Variants in KCTD1 observed in about 807,000 individuals in gnomAD.
KCTD1 encodes the protein potassium channel tetramerization domain containing 1.
In KCTD1, 24 loss-of-function variants were observed where a neutral mutation model predicts 66.0. The observed-to-expected ratio is 0.36, with a 90% CI of 0.26 to 0.51. The LOEUF (loss-of-function observed/expected upper bound fraction) is 0.51. Ranked by LOEUF, KCTD1 falls within the 20% of genes least tolerant of loss-of-function variation. KCTD1 has a pLI of 0.95. For synonymous variants in KCTD1, 511 were observed against 517.2 expected, an observed-to-expected ratio of 0.99 and a Z score of 0.16; for missense variants, 943 against 1,205.2, an observed-to-expected ratio of 0.78 and a Z score of 3.22.
At chr18:26,545,813 C>T (rs2144830967) in intron 1 of KCTD1, 1 of 152,092 alleles carries the variant, frequency 6.6e-6, no homozygotes, top group East Asian at 1.9e-4. Flanking sequence ...ACTAGAGGCC[C>T]CAGTCTCGAC....
At chr18:26,489,663 A>T (rs1346174484) in intron 2 of KCTD1, among the ~76,000 whole-genome samples, 1 of 152,212 alleles carries the variant, frequency 6.6e-6, no homozygotes, top group Non-Finnish European at 1.5e-5. Context: ...TTGGCCTGAT[A>T]AAAAACATTT....
At chr18:26,493,642 A>C (rs1982321799) in intron 2 of KCTD1, among the ~76,000 whole-genome samples, 1 of 152,212 alleles carries the variant, frequency 6.6e-6, no homozygotes, top group Non-Finnish European at 1.5e-5. Flanking sequence ...AGTGCACAAT[A>C]ACCACATCAT....
At chr18:26,456,893 C>A (rs1394884649) in intron 4 of KCTD1, 10 of 150,198 alleles carry the variant, frequency 6.7e-5, no homozygotes, top group African/African-American at 2.0e-4. Flanking sequence ...ACTTCCACAC[C>A]ACCTTAAAGG....
chr18:26,647,335 C>CA (rs909816665), intron 1 of KCTD1, among the ~76,000 whole-genome samples: 30 of 114,618 alleles, frequency 2.6e-4, no homozygotes, highest in African/African-American at 7.8e-4. Flanking sequence ...AGTGAAACCC[C>CA]CCCCCCATCT....
intron 1 of KCTD1, among the ~76,000 whole-genome samples, chr18:26,636,674 C>T (rs185972660): frequency 2.6e-5 from 4 of 152,238 alleles, no homozygotes; most frequent in African/African-American, 7.2e-5. Context: ...GCCCTCAGGA[C>T]TTCACACTCA....
At chr18:26,553,826 G>GT (rs1985634244) in intron 1 of KCTD1, among the ~76,000 whole-genome samples, 1 of 49,402 alleles carries the variant, frequency 2.0e-5, no homozygotes, top group Non-Finnish European at 5.2e-5. Context: ...GCCAGAGAGG[G>GT]TAAAAAAAAA....
intron 2 of KCTD1, among the ~76,000 whole-genome samples, chr18:26,500,105 G>A (rs1203604892): frequency 4.6e-5 from 7 of 151,732 alleles, no homozygotes; most frequent in Admixed American, 2.0e-4. Flanking sequence ...AACATAGCGC[G>A]ACCCCATCTC....
intron 1 of KCTD1, among the ~76,000 whole-genome samples, chr18:26,653,206 G>A (rs894252237): frequency 6.6e-6 from 1 of 152,188 alleles, no homozygotes; most frequent in African/African-American, 2.4e-5. Flanking sequence ...ACTCTTGGGT[G>A]AAGACCAGGT....
intron 1 of KCTD1, among the ~76,000 whole-genome samples, chr18:26,624,190 C>T (rs1987449351): frequency 1.3e-5 from 2 of 152,226 alleles, no homozygotes; most frequent in East Asian, 3.9e-4. Flanking sequence ...AATTTGCAGC[C>T]TAATGATGCA....
At chr18:26,549,081 C>T, upstream of KCTD1, 3 of 985,048 alleles carry the variant, frequency 3.0e-6, no homozygotes, top group Non-Finnish European at 3.6e-6. Context: ...GCGGGAAACC[C>T]GTGTCTGGGG....
chr18:26,638,187 T>C (rs1253705930), intron 1 of KCTD1, among the ~76,000 whole-genome samples: 2 of 152,244 alleles, frequency 1.3e-5, no homozygotes, highest in African/African-American at 4.8e-5. Context: ...AGAGCATCTT[T>C]CATTTATCCA....
At chr18:26,631,562 C>T (rs1256695672), upstream of KCTD1, among the ~76,000 whole-genome samples, 1 of 152,162 alleles carries the variant, frequency 6.6e-6, no homozygotes, top group African/African-American at 2.4e-5. Flanking sequence ...TTATACAATG[C>T]ATGACTGACG....
chr18:26,500,252 CA>C (rs1240386039), intron 2 of KCTD1, among the ~76,000 whole-genome samples: 1 of 146,582 alleles, frequency 6.8e-6, no homozygotes, highest in Non-Finnish European at 1.5e-5. Context: ...CCTGTCTCTA[CA>C]AAAAATTTAA....
chr18:26,548,931 G>C (rs1290247542), upstream of KCTD1: 13 of 987,804 alleles, frequency 1.3e-5, no homozygotes, highest in African/African-American at 2.3e-4. Flanking sequence ...GGGAGAGAGG[G>C]AGGGCCGGCG....
intron 1 of KCTD1, among the ~76,000 whole-genome samples, chr18:26,648,241 A>C (rs1282249538): frequency 6.6e-6 from 1 of 152,322 alleles, no homozygotes; most frequent in East Asian, 1.9e-4. Context: ...GACCAAACCA[A>C]ATCTCTGCAG....
chr18:26,590,461 G>A (rs998510295), intron 1 of KCTD1, among the ~76,000 whole-genome samples: 1 of 152,100 alleles, frequency 6.6e-6, no homozygotes, highest in African/African-American at 2.4e-5. Flanking sequence ...GTGGCCCAAA[G>A]CATCCTAAGC....
At chr18:26,496,766 A>ACG (rs1283209585) in intron 2 of KCTD1, among the ~76,000 whole-genome samples, 1 of 151,586 alleles carries the variant, frequency 6.6e-6, no homozygotes, top group African/African-American at 2.4e-5. Flanking sequence ...ACACACACAC[A>ACG]CGCATTGGAA....
At position 26,455,621 on chromosome 18, in the gene KCTD1, T is replaced by A. The variant is rs988183878; in HGVS notation, c.*122A>T. ...GTGTGGTCTCTATTGGATATAAATG[T>A]GTCTTTTATTCGATTTTACGTCCAG... On this transcript the variant is annotated 3_prime_UTR_variant, in exon 5 of 5. Transcript: ENST00000580059. The A allele has an allele frequency of 2.6e-6, 3 of 1,173,430 alleles. No homozygotes were observed. Among genetic ancestry groups the A allele is most frequent in the Non-Finnish European group, 3.7e-6 (3 of 806,834 alleles). The allele number at this position is 1,173,430 out of a possible 1,614,324, so 72.7% of individuals were successfully genotyped here. A position where few individuals can be genotyped will look rare whatever the true frequency, so the allele number is the denominator to read the frequency against.
intron 1 of KCTD1, among the ~76,000 whole-genome samples, chr18:26,609,633 G>A (rs1895777473): frequency 6.6e-6 from 1 of 152,172 alleles, no homozygotes; most frequent in Non-Finnish European, 1.5e-5. Context: ...CTGCCTTTGA[G>A]CTCTAAAAGC....
Sources: allele counts gnomAD v4.1 joint callset (sites outside exome capture counted in the v4.1 genomes callset), GRCh38; gene constraint gnomAD v4.1.1; transcripts MANE v1.5; gene names NCBI Gene and HGNC (gene_info 2026-07-23, HGNC 2026-07-21).